The following ABCG1 variants were observed in gnomAD, a reference collection of about 807,000 sequenced individuals.
The protein encoded by ABCG1 is ATP-binding cassette sub-family G member 1.
A neutral mutation model predicts 69.2 loss-of-function variants in ABCG1; 29 were observed. The observed-to-expected ratio is 0.42, with a 90% CI of 0.31 to 0.57. The LOEUF (loss-of-function observed/expected upper bound fraction) is 0.57, where lower values mean the gene tolerates loss of function less well. ABCG1 is among the 20% of genes least tolerant of loss of function. The probability of loss-of-function intolerance (pLI) is 0.15; values close to 1 mark genes in which losing one functional copy is unlikely to be tolerated. For synonymous variants in ABCG1, 370 were observed against 374.8 expected (o/e 0.99, Z 0.15); for missense variants, 718 against 898.1 (o/e 0.80, Z 2.56).
chr21:42,231,146 G>C (rs2067895591), intron 2 of ABCG1, among the ~76,000 whole-genome samples: 2 of 152,268 alleles, frequency 1.3e-5, no homozygotes, highest in African/African-American at 4.8e-5. Context: ...AGAGGCTCCA[G>C]CTTCCCTCTT....
chr21:42,251,010 G>A (rs9982242), intron 2 of ABCG1, among the ~76,000 whole-genome samples: 1 of 150,338 alleles, frequency 6.7e-6, no homozygotes, highest in East Asian at 2.0e-4. Context: ...CGAACACAGG[G>A]ACAGCTCAGC....
rs545010350 is a variant in ABCG1 at position 42,254,632 on chromosome 21, G to A, written c.287-16438G>A. 5.3e-3 allele frequency among the ~76,000 whole-genome samples: 801 copies of A among 152,388 alleles called. 10 individuals are homozygous for A. The highest frequency in any genetic ancestry group is 0.018 in the African/African-American group (749 of 41,594). On this transcript the variant is annotated intron_variant, in intron 2 of 14. Coordinates refer to ENST00000398449, the MANE Select transcript of ABCG1 (RefSeq NM_016818.3). ...GCGCGTGGCTTTGCCACATGATCAC[G>A]AAAATGGAGGCGGTCGATGAGAAGG...
Position 42,276,628 on chromosome 21 carries a change from G to A in ABCG1, c.538-267G>A, listed in dbSNP as rs938822127. The A allele has an allele frequency of 4.5e-6, 2 of 446,114 alleles. No homozygotes were observed. The highest frequency in any genetic ancestry group is 8.0e-6 in the Non-Finnish European group (2 of 248,712). 27.6% of individuals were successfully genotyped at this position (446,114 alleles called of 1,614,324 possible). A position where few individuals can be genotyped will look rare whatever the true frequency, so the allele number is the denominator to read the frequency against. On this transcript the variant is annotated intron_variant, in intron 4 of 14. Coordinates refer to ENST00000398449, the MANE Select transcript of ABCG1 (RefSeq NM_016818.3). The surrounding 1 kb of genome is among the most constrained non-coding windows in gnomAD (Gnocchi z 5.3). ...GTGGCTAGTGGCACCGTGGCTAGCT[G>A]CATGGTGGCTAGTTGCACCGTGGCT... is the stretch of plus-strand genomic sequence containing the variant.
intron 2 of ABCG1, among the ~76,000 whole-genome samples, chr21:42,257,701 AAAG>A (rs1238245919): frequency 5.3e-5 from 8 of 152,342 alleles, no homozygotes; most frequent in African/African-American, 1.9e-4. Flanking sequence ...AATGTGTGGC[AAAG>A]AAGAATGTCA....
Position 42,219,402 on chromosome 21 carries a change from A to T in ABCG1, c.42+98A>T, listed in dbSNP as rs2123492833. The stretch of plus-strand genomic sequence containing the variant: ...GCAAGCTCGACCTGACACCCCTCCC[A>T]GGAGCGCGTCCTCTGGGCGCTGACC... On this transcript the variant is annotated intron_variant, in intron 1 of 14. Coordinates refer to ENST00000398449, the MANE Select transcript of ABCG1 (RefSeq NM_016818.3). This position sits in a 1 kb window ranked among gnomAD's most constrained non-coding sequence, Gnocchi z 5.3. The T allele has an allele frequency of 2.0e-6, 3 of 1,492,258 alleles. No individual in the cohort carries two copies. Among genetic ancestry groups the T allele is most frequent in the Non-Finnish European group, 1.8e-6 (2 of 1,117,864 alleles). The allele number at this position is 1,492,258 out of a possible 1,614,324, so 92.4% of individuals were successfully genotyped here.
At position 42,296,456 on chromosome 21, in the gene ABCG1, G is replaced by T. The variant is rs1013101555; in HGVS notation, c.*64G>T. ...TGGCCGAGGGCACGTCTAGAATCGA[G>T]GAGGCAAGCCTGTGCCCGACCGACG... is the stretch of plus-strand genomic sequence containing the variant. On this transcript the variant is annotated 3_prime_UTR_variant, in exon 15 of 15. Transcript: ENST00000398449. The surrounding 1 kb of genome is among the most constrained non-coding windows in gnomAD (Gnocchi z 5.4). 7.1e-5 allele frequency: 104 copies of T among 1,466,998 alleles called. No individual in the cohort carries two copies. The highest frequency in any genetic ancestry group is 1.8e-5 in the Non-Finnish European group (19 of 1,068,520). The allele number at this position is 1,466,998 out of a possible 1,614,324, so 90.9% of individuals were successfully genotyped here. A position where few individuals can be genotyped will look rare whatever the true frequency, so the allele number is the denominator to read the frequency against.
chr21:42,215,601 G>A (rs12106329), upstream of ABCG1, among the ~76,000 whole-genome samples: 4,085 of 152,250 alleles, frequency 0.027, 184 homozygotes, highest in African/African-American at 0.092. Context: ...ACACTGAATA[G>A]GTGTTCTTTG....
rs111629563 is a variant in ABCG1 at position 42,276,757 on chromosome 21, G to A, written c.538-138G>A. The A allele has an allele frequency of 1.2e-6, 1 of 801,118 alleles. No individual in the cohort carries two copies. The highest frequency in any genetic ancestry group is 2.0e-5 in the African/African-American group (1 of 50,814). The allele number at this position is 801,118 out of a possible 1,614,324, so 49.6% of individuals were successfully genotyped here. A position where few individuals can be genotyped will look rare whatever the true frequency, so the allele number is the denominator to read the frequency against. Reference sequence around the variant, plus strand: ...GGCATTGTGGCTAGCTGCACTGTGGGTAGCTGCACCGTGGCTAGTGGCACT... The same window carrying A: ...GGCATTGTGGCTAGCTGCACTGTGGATAGCTGCACCGTGGCTAGTGGCACT... On this transcript the variant is annotated intron_variant, in intron 4 of 14. Transcript: ENST00000398449. This position sits in a 1 kb window ranked among gnomAD's most constrained non-coding sequence, Gnocchi z 5.3.
chr21:42,239,518 G>T (rs139270451), intron 2 of ABCG1, among the ~76,000 whole-genome samples: 1,930 of 152,306 alleles, frequency 0.013, 16 homozygotes, highest in Non-Finnish European at 0.019. Context: ...TTTCCTAGGC[G>T]CCGGGCAGTG....
At chr21:42,264,431 ATCCATCCG>A (rs1273371528) in intron 2 of ABCG1, among the ~76,000 whole-genome samples, 2 of 152,056 alleles carry the variant, frequency 1.3e-5, no homozygotes, top group Non-Finnish European at 2.9e-5. Context: ...CTGTCCATCC[ATCCATCCG>A]TCAATCTATC....
chr21:42,265,264 T>C (rs1191935834), intron 2 of ABCG1, among the ~76,000 whole-genome samples: 5 of 152,202 alleles, frequency 3.3e-5, no homozygotes, highest in Admixed American at 2.0e-4. Flanking sequence ...CTCCCTAGCA[T>C]TGTGCTCTGC....
chr21:42,211,961 T>A (rs2123474765), upstream of ABCG1, among the ~76,000 whole-genome samples: 1 of 152,090 alleles, frequency 6.6e-6, no homozygotes, highest in African/African-American at 2.4e-5. Flanking sequence ...GGGAAGTGAT[T>A]AGGCCATGAG....
chr21:42,276,732 G>T lies in ABCG1; in HGVS notation c.538-163G>T, dbSNP rs746554730. 3.0e-6 allele frequency: 2 copies of T among 673,188 alleles called. No individual in the cohort carries two copies. Among genetic ancestry groups the T allele is most frequent in the South Asian group, 1.8e-5 (1 of 56,454 alleles). The allele number at this position is 673,188 out of a possible 1,614,324, so 41.7% of individuals were successfully genotyped here. On this transcript the variant is annotated intron_variant, in intron 4 of 14. Coordinates refer to ENST00000398449, the MANE Select transcript of ABCG1 (RefSeq NM_016818.3). The surrounding 1 kb of genome is among the most constrained non-coding windows in gnomAD (Gnocchi z 5.3). ...CGTGGCTAGCTGCACCGTGGCTAGC[G>T]GCATTGTGGCTAGCTGCACTGTGGG...
At position 42,268,362 on chromosome 21, in the gene ABCG1, G is replaced by GGTGTGTGTGTGTGT. The variant is rs1555957893; in HGVS notation, c.287-2694_287-2681dup. Among the ~76,000 whole-genome samples, 611 of 147,698 alleles carry GGTGTGTGTGTGTGT rather than the reference G, an allele frequency of 4.1e-3. 7 individuals carry two copies. Among genetic ancestry groups the GGTGTGTGTGTGTGT allele is most frequent in the African/African-American group, 0.013 (522 of 39,720 alleles). Reference sequence around the variant, plus strand: ...ATTTCCTTACATAAATAGAGGTAGGGGTGTGTGTGTGTGTGTGTGTGTGTG... The same window carrying GGTGTGTGTGTGTGT: ...ATTTCCTTACATAAATAGAGGTAGGGGTGTGTGTGTGTGTGTGTGTGTGTGTGTGTGTGTGTGTG... On this transcript the variant is annotated intron_variant, in intron 2 of 14. Transcript: ENST00000398449.
intron 1 of ABCG1, among the ~76,000 whole-genome samples, chr21:42,220,602 G>A (rs895475988): frequency 6.6e-6 from 1 of 152,238 alleles, no homozygotes; most frequent in Non-Finnish European, 1.5e-5. Flanking sequence ...GGGAGAGCCC[G>A]AGCGGGAGAC....
intron 5 of ABCG1, 117 bp from the exon 6 acceptor site, chr21:42,282,157 G>T: frequency 7.0e-7 from 1 of 1,429,782 alleles, no homozygotes; most frequent in Non-Finnish European, 9.4e-7. Context: ...CTCCACGTGG[G>T]CCAGGCACGG....
chr21:42,207,039 T>C (rs568811093), intron 2 of ABCG1: 3 of 152,354 alleles, frequency 2.0e-5, no homozygotes, highest in South Asian at 4.1e-4. Flanking sequence ...TTGTCTTCCG[T>C]TTTCAGAAAT....
chr21:42,285,058 T>C lies in ABCG1; in HGVS notation c.858+375T>C, dbSNP rs187211204. On this transcript the variant is annotated intron_variant, in intron 7 of 14. Transcript: ENST00000398449. ...GCTGGTGAGCAGAGTCCTCTCTCTG[T>C]CCTGGTGGTCGGTCATGGGATCCTG... Among the ~76,000 whole-genome samples, 612 of 152,274 alleles carry C rather than the reference T, an allele frequency of 4.0e-3. 1 individual carries two copies. Among genetic ancestry groups the C allele is most frequent in the Non-Finnish European group, 6.5e-3 (442 of 68,010 alleles).
At chr21:42,239,726 T>C (rs1360317126) in intron 2 of ABCG1, among the ~76,000 whole-genome samples, 1 of 152,220 alleles carries the variant, frequency 6.6e-6, no homozygotes, top group Non-Finnish European at 1.5e-5. Context: ...TGTGTGTCTT[T>C]GGTGACCCAT....
Sources: gnomAD v4.1 joint callset for allele counts (sites outside exome capture counted in the v4.1 genomes callset) on GRCh38, gnomAD v4.1.1 for gene constraint, Gnocchi (gnomAD v3.1) non-coding constraint, MANE v1.5 for transcripts, NCBI Gene and HGNC (gene_info 2026-07-23, HGNC 2026-07-21) for gene names.